The following FSTL5 variants were observed in gnomAD, a reference collection of about 807,000 sequenced individuals.
The protein encoded by FSTL5 is follistatin like 5.
Under a neutral mutation model 89.1 loss-of-function variants are expected in FSTL5, and 62 were observed. That is an observed-to-expected ratio of 0.70 (90% CI 0.57 to 0.86). FSTL5 has a LOEUF of 0.86. FSTL5 is among the 40% of genes least tolerant of loss of function. The probability of loss-of-function intolerance (pLI) is 0.00; values close to 1 mark genes in which losing one functional copy is unlikely to be tolerated. For missense variants in FSTL5, 1,057 were observed against 1,001.6 expected (o/e 1.06, Z -0.75); for synonymous variants, 383 against 346.2 (o/e 1.11, Z -1.18).
intron 1 of FSTL5, among the ~76,000 whole-genome samples, chr4:162,152,311 T>C (rs1184258473): frequency 6.6e-6 from 1 of 152,220 alleles, no homozygotes; most frequent in Non-Finnish European, 1.5e-5. Context: ...TATAGCTTTA[T>C]GAGAAATCTC....
At chr4:162,066,380 C>A (rs1278621715) in intron 2 of FSTL5, among the ~76,000 whole-genome samples, 1 of 116,504 alleles carries the variant, frequency 8.6e-6, no homozygotes, top group Non-Finnish European at 1.8e-5. Context: ...TCTCCTTCTT[C>A]TTCTTCTTCA....
At chr4:161,402,422 A>T (rs542840105) in intron 15 of FSTL5, among the ~76,000 whole-genome samples, 11 of 152,322 alleles carry the variant, frequency 7.2e-5, no homozygotes, top group African/African-American at 2.6e-4. Context: ...TGAGTAGTGC[A>T]TTTTTGAAAC....
chr4:161,651,365 C>T (rs1736336493), intron 7 of FSTL5, among the ~76,000 whole-genome samples: 1 of 151,610 alleles, frequency 6.6e-6, no homozygotes, highest in African/African-American at 2.4e-5. Context: ...TCCATTTCTC[C>T]ATTTACAGTG....
intron 5 of FSTL5, 133 bp downstream of exon 5, chr4:161,775,745 T>C (rs1347545241): frequency 2.2e-6 from 1 of 459,380 alleles, no homozygotes; most frequent in African/African-American, 2.0e-5. Flanking sequence ...GCTACAAAAA[T>C]GTTGTTATTC....
chr4:161,725,989 A>T (rs1440039063), intron 6 of FSTL5, among the ~76,000 whole-genome samples: 1 of 152,168 alleles, frequency 6.6e-6, no homozygotes, highest in East Asian at 1.9e-4. Context: ...AAATCCCCAT[A>T]TCACAGCTAA....
At chr4:161,673,548 C>A (rs1253388145) in intron 6 of FSTL5, among the ~76,000 whole-genome samples, 1 of 151,874 alleles carries the variant, frequency 6.6e-6, no homozygotes, top group Non-Finnish European at 1.5e-5. Flanking sequence ...AAAAACAAAT[C>A]AAACAGTTAT....
At chr4:161,605,606 G>T (rs1271337391) in intron 7 of FSTL5, among the ~76,000 whole-genome samples, 1 of 152,022 alleles carries the variant, frequency 6.6e-6, no homozygotes, top group Non-Finnish European at 1.5e-5. Flanking sequence ...GTAAAAAAAC[G>T]AATAACCTCT....
intron 4 of FSTL5, among the ~76,000 whole-genome samples, chr4:161,789,677 C>T (rs1307377060): frequency 6.6e-6 from 1 of 152,144 alleles, no homozygotes; most frequent in Non-Finnish European, 1.5e-5. Flanking sequence ...TCATTTCTAT[C>T]CACATGATAG....
chr4:161,814,162 GA>G (rs1319801274), intron 4 of FSTL5, among the ~76,000 whole-genome samples: 1 of 151,966 alleles, frequency 6.6e-6, no homozygotes, highest in Non-Finnish European at 1.5e-5. Flanking sequence ...AGAAGGGGAA[GA>G]AATTACACAG....
chr4:161,561,078 C>T (rs1732579255), intron 8 of FSTL5, among the ~76,000 whole-genome samples: 2 of 151,924 alleles, frequency 1.3e-5, no homozygotes, highest in South Asian at 2.1e-4. Context: ...ATAGCTACGA[C>T]GTCCCTAGGG....
chr4:161,874,502 C>T (rs1732375296), intron 4 of FSTL5, among the ~76,000 whole-genome samples: 1 of 150,912 alleles, frequency 6.6e-6, no homozygotes. Context: ...AAAAATTAGC[C>T]ATTTTATTTC....
At chr4:162,041,376 T>C (rs1166613689) in intron 2 of FSTL5, among the ~76,000 whole-genome samples, 3 of 152,120 alleles carry the variant, frequency 2.0e-5, no homozygotes, top group African/African-American at 4.8e-5. Flanking sequence ...GTTAAGTTAC[T>C]AAATAAGGTT....
intron 6 of FSTL5, among the ~76,000 whole-genome samples, chr4:161,754,083 G>C (rs1740494168): frequency 1.4e-5 from 2 of 141,830 alleles, no homozygotes; most frequent in African/African-American, 2.6e-5. Flanking sequence ...TTCATATAGA[G>C]TGATGACATT....
chr4:161,791,923 T>C (rs1729489503), intron 4 of FSTL5, among the ~76,000 whole-genome samples: 2 of 152,132 alleles, frequency 1.3e-5, no homozygotes. Flanking sequence ...GGCTGCGCGC[T>C]CCGCAGAGCC....
chr4:161,453,092 TC>T (rs1733229529), intron 15 of FSTL5, among the ~76,000 whole-genome samples: 1 of 152,166 alleles, frequency 6.6e-6, no homozygotes, highest in Non-Finnish European at 1.5e-5. Context: ...AAGTCTATAC[TC>T]TTGACCCCGG....
chr4:162,107,745 C>T (rs1251262760), intron 2 of FSTL5, among the ~76,000 whole-genome samples: 2 of 152,072 alleles, frequency 1.3e-5, no homozygotes, highest in Non-Finnish European at 2.9e-5. Context: ...TGTCATTTTG[C>T]TTTACTATCA....
At chr4:161,427,611 C>T (rs1307392017) in intron 15 of FSTL5, among the ~76,000 whole-genome samples, 1 of 152,262 alleles carries the variant, frequency 6.6e-6, no homozygotes, top group South Asian at 2.1e-4. Context: ...TATTCAGCTC[C>T]CTCTCCATTT....
intron 10 of FSTL5, among the ~76,000 whole-genome samples, chr4:161,532,597 T>C (rs999387999): frequency 5.9e-5 from 9 of 152,180 alleles, no homozygotes; most frequent in African/African-American, 2.2e-4. Context: ...TGATTGGTTC[T>C]TTTGGCATTT....
At chr4:161,941,855 G>C (rs1404065851) in intron 3 of FSTL5, among the ~76,000 whole-genome samples, 2 of 151,864 alleles carry the variant, frequency 1.3e-5, no homozygotes, top group East Asian at 3.9e-4. Context: ...CAAGTGCACA[G>C]AAAACATGCC....
Sources: allele counts gnomAD v4.1 joint callset (sites outside exome capture counted in the v4.1 genomes callset), GRCh38; gene constraint gnomAD v4.1.1; transcripts MANE v1.5; gene names NCBI Gene and HGNC (gene_info 2026-07-23, HGNC 2026-07-21).